The following DTD2 variants were observed in gnomAD, a reference collection of about 807,000 sequenced individuals.
The protein encoded by DTD2 is D-aminoacyl-tRNA deacylase 2, also known as D-tyrosyl-tRNA deacylase 2 (putative).
DTD2 carries 12 observed loss-of-function variants against 15.5 expected under a neutral mutation model. The ratio of observed to expected loss-of-function variants is 0.77; its 90% CI spans 0.50 to 1.25. The LOEUF is 1.25. DTD2 is among the 50% of genes most tolerant of loss of function. DTD2 has a pLI of 0.00. For missense variants in DTD2, 170 were observed against 201.1 expected, an observed-to-expected ratio of 0.85 and a Z score of 0.93; for synonymous variants, 59 against 77.3, an observed-to-expected ratio of 0.76 and a Z score of 1.24.
At chr14:31,448,877 T>C (rs2031995132) in intron 2 of DTD2, among the ~76,000 whole-genome samples, 1 of 152,130 alleles carries the variant, frequency 6.6e-6, no homozygotes, top group Admixed American at 6.6e-5. Flanking sequence ...TCTGCTTGCT[T>C]GCTTGCTTGC....
rs45543031 is a variant in DTD2 at position 31,457,439 on chromosome 14, G to T, written c.-46C>A. ...CCGGACAGTTACTAGGCCATGTGTC[G>T]CTGGCCCCTCCCTCGACGCGCTGGC... On this transcript the variant is annotated 5_prime_UTR_variant, in exon 1 of 3. Coordinates refer to ENST00000310850, the MANE Select transcript of DTD2 (RefSeq NM_080664.3). 663 of 1,347,750 alleles carry T rather than the reference G, an allele frequency of 4.9e-4. 1 individual carries two copies. Among genetic ancestry groups the T allele is most frequent in the Non-Finnish European group, 5.4e-4 (550 of 1,021,422 alleles). The allele number at this position is 1,347,750 out of a possible 1,614,324, so 83.5% of individuals were successfully genotyped here. A position where few individuals can be genotyped will look rare whatever the true frequency, so the allele number is the denominator to read the frequency against.
intron 2 of DTD2, among the ~76,000 whole-genome samples, chr14:31,448,663 C>T (rs1295585364): frequency 6.6e-6 from 1 of 152,132 alleles, no homozygotes; most frequent in African/African-American, 2.4e-5. Context: ...CAGAAAATGG[C>T]ATGATATTTT....
At chr14:31,457,190 G>T in intron 1 of DTD2, 93 bp downstream of exon 1, 1 of 1,206,050 alleles carries the variant, frequency 8.3e-7, no homozygotes, top group Non-Finnish European at 1.2e-6. Flanking sequence ...GCCGGTCTCA[G>T]AGGGAGACAC....
At position 31,457,481 on chromosome 14, in the gene DTD2, G is replaced by A; in HGVS notation, c.-88C>T. 1 of 1,061,490 alleles carries A rather than the reference G, an allele frequency of 9.4e-7. No individual in the cohort carries two copies. The highest frequency in any genetic ancestry group is 1.3e-6 in the Non-Finnish European group (1 of 768,524). 65.8% of individuals were successfully genotyped at this position (1,061,490 alleles called of 1,614,324 possible). ...CGCGCTGGCGGGGCAGACGAGGCGG[G>A]GCACGACGAAGGGCCTGCGCCGATT... On this transcript the variant is annotated 5_prime_UTR_variant, in exon 1 of 3. Transcript: ENST00000310850.
intron 1 of DTD2, 42 bp downstream of exon 1, chr14:31,457,241 C>T: frequency 6.5e-7 from 1 of 1,528,290 alleles, no homozygotes; most frequent in Non-Finnish European, 8.8e-7. Flanking sequence ...AAAAACCGCC[C>T]CGCACGCCGG....
chr14:31,452,008 A>G (rs577284868), intron 2 of DTD2: 3 of 152,364 alleles, frequency 2.0e-5, no homozygotes, highest in East Asian at 3.9e-4. Flanking sequence ...ATCACTATAC[A>G]GTGCTATAGC....
intron 2 of DTD2, chr14:31,452,970 C>A: frequency 1.1e-5 from 2 of 175,956 alleles, no homozygotes; most frequent in Non-Finnish European, 2.3e-5. Context: ...CAGGGTCTCA[C>A]TCTGTTGCCC....
chr14:31,452,423 C>G (rs528211339), intron 2 of DTD2: 3 of 152,342 alleles, frequency 2.0e-5, no homozygotes, highest in South Asian at 4.1e-4. Flanking sequence ...TGTGTGTACA[C>G]TCTTCTACAT....
chr14:31,454,581 C>T (rs112062153), intron 1 of DTD2, among the ~76,000 whole-genome samples: 68 of 152,256 alleles, frequency 4.5e-4, no homozygotes, highest in African/African-American at 1.4e-3. Context: ...CATCATGAAT[C>T]GAAATCTTAA....
chr14:31,450,760 A>G (rs1374549858), intron 2 of DTD2, among the ~76,000 whole-genome samples: 3 of 152,234 alleles, frequency 2.0e-5, no homozygotes, highest in Non-Finnish European at 4.4e-5. Context: ...CAGACCATCC[A>G]CAAGAGTCAG....
chr14:31,457,236 C>T lies in DTD2; in HGVS notation c.111+47G>A, dbSNP rs777163239. On this transcript the variant is annotated intron_variant, in intron 1 of 2. Transcript: ENST00000310850. ...AGTCACCGAGACAACGCGGAAAAAA[C>T]CGCCCCGCACGCCGGAGGATAACGA... 5 of 1,517,462 alleles carry T rather than the reference C, an allele frequency of 3.3e-6. No individual in the cohort carries two copies. In the East Asian group the frequency reaches 1.2e-4, roughly 37 times the overall value. The allele number at this position is 1,517,462 out of a possible 1,614,324, so 94.0% of individuals were successfully genotyped here. A position where few individuals can be genotyped will look rare whatever the true frequency, so the allele number is the denominator to read the frequency against.
chr14:31,456,318 G>A (rs2032094484), intron 1 of DTD2, among the ~76,000 whole-genome samples: 1 of 152,028 alleles, frequency 6.6e-6, no homozygotes, highest in Admixed American at 6.6e-5. Context: ...CCCGGGAGGC[G>A]GAGGTTGCAG....
rs917667714 is a variant in DTD2, at chr14:31,446,170, G to A, written c.*1959C>T. 1 of 151,972 alleles carries A rather than the reference G, an allele frequency of 6.6e-6. No homozygotes were observed. Among genetic ancestry groups the A allele is most frequent in the African/African-American group, 2.4e-5 (1 of 41,368 alleles). 9.4% of individuals were successfully genotyped at this position (151,972 alleles called of 1,614,324 possible). A position where few individuals can be genotyped will look rare whatever the true frequency, so the allele number is the denominator to read the frequency against. On this transcript the variant is annotated 3_prime_UTR_variant, in exon 3 of 3. Coordinates refer to ENST00000310850, the MANE Select transcript of DTD2 (RefSeq NM_080664.3). ...TTCCAAAATAGAACAGTACAGGAAG[G>A]GTATAGAGAAAATAGGATTTTTCAT...
At chr14:31,452,190 T>C (rs981527097) in intron 2 of DTD2, 10 of 152,224 alleles carry the variant, frequency 6.6e-5, no homozygotes, top group African/African-American at 2.4e-4. Context: ...AGTGCACACA[T>C]GGCTAATGCA....
intron 2 of DTD2, chr14:31,452,420 A>G (rs913748254): frequency 3.3e-5 from 5 of 152,216 alleles, no homozygotes; most frequent in African/African-American, 1.2e-4. Flanking sequence ...GTATGTGTGT[A>G]CACTCTTCTA....
At chr14:31,451,174 G>A (rs568023218) in intron 2 of DTD2, among the ~76,000 whole-genome samples, 157 of 142,908 alleles carry the variant, frequency 1.1e-3, no homozygotes, top group Admixed American at 4.7e-3. Flanking sequence ...TTGAGATGGA[G>A]TCTCCCTCTG....
rs759404955 is a variant in DTD2 at position 31,457,419 on chromosome 14, C to A, written c.-26G>T. The A allele has an allele frequency of 1.4e-6, 2 of 1,453,578 alleles. No individual in the cohort carries two copies. The highest frequency in any genetic ancestry group is 1.8e-6 in the Non-Finnish European group (2 of 1,093,660). 90.0% of individuals were successfully genotyped at this position (1,453,578 alleles called of 1,614,324 possible). A position where few individuals can be genotyped will look rare whatever the true frequency, so the allele number is the denominator to read the frequency against. On this transcript the variant is annotated 5_prime_UTR_variant, in exon 1 of 3. Transcript: ENST00000310850. ...GGCTTAAGCCAGCGCCGCGGCCGGA[C>A]AGTTACTAGGCCATGTGTCGCTGGC...
rs772448552 is a variant in DTD2, at chr14:31,457,306, C to G, written c.88G>C (p.Asp30His). 2.6e-5 allele frequency: 41 copies of G among 1,592,472 alleles called. No homozygotes were observed. The highest frequency in any genetic ancestry group is 3.5e-5 in the Non-Finnish European group (41 of 1,170,804). The change falls in exon 1 of 3, where the codon GAC (aspartate) becomes CAC (histidine). Residue 30 changes from aspartate to histidine, a missense_variant. Asp to His is a moderately conservative substitution (Grantham distance 81). Coordinates refer to ENST00000310850, the MANE Select transcript of DTD2 (RefSeq NM_080664.3). ...ARLQIRPADG[D>H]VAAQWVEVQR... ...ACCTCCACCCACTGGGCCGCGACGTCCCCATCGGCTGGGCGAATTTGCAGC... is the reference window on the plus strand; with the variant it reads ...ACCTCCACCCACTGGGCCGCGACGTGCCCATCGGCTGGGCGAATTTGCAGC...
chr14:31,455,550 CAAAAAAA>C (rs1196931988), intron 1 of DTD2, among the ~76,000 whole-genome samples: 1 of 68,758 alleles, frequency 1.5e-5, no homozygotes, highest in Non-Finnish European at 2.6e-5. Flanking sequence ...GACTCTGTCT[CAAAAAAA>C]AAAAAAAAAA....
Sources: allele counts gnomAD v4.1 joint callset (sites outside exome capture counted in the v4.1 genomes callset), GRCh38; gene constraint gnomAD v4.1.1; transcripts MANE v1.5; gene names NCBI Gene and HGNC (gene_info 2026-07-23, HGNC 2026-07-21).